The following BRD10 variants were observed in gnomAD, a reference collection of about 807,000 sequenced individuals.
BRD10 encodes bromodomain containing 10.
chr9:5,985,668 C>T, the BRD10 span, among the ~76,000 whole-genome samples: 2 of 151,906 alleles, frequency 1.3e-5, no homozygotes, highest in Non-Finnish European at 2.9e-5. Context: ...GCCTGTGATC[C>T]CAGCTACTCA....
chr9:5,950,290 T>C, the BRD10 span, among the ~76,000 whole-genome samples: 83 of 152,326 alleles, frequency 5.4e-4, no homozygotes, highest in Middle Eastern at 3.4e-3. Context: ...CATAATTCAG[T>C]GTTTTTCACC....
the BRD10 span, among the ~76,000 whole-genome samples, chr9:5,904,232 T>C: frequency 2.0e-5 from 3 of 152,228 alleles, no homozygotes; most frequent in African/African-American, 7.2e-5. Context: ...GAACACATAG[T>C]TGGGTCTTGT....
At chr9:5,897,477 G>A in the BRD10 span, 1 of 1,320,488 alleles carries the variant, frequency 7.6e-7, no homozygotes, top group Middle Eastern at 1.8e-4. Context: ...TCCATATGAA[G>A]AGGAAGACTG....
At chr9:5,946,983 A>C in the BRD10 span, among the ~76,000 whole-genome samples, 4 of 152,070 alleles carry the variant, frequency 2.6e-5, no homozygotes, top group Non-Finnish European at 5.9e-5. Flanking sequence ...GGAACAATGA[A>C]GACATATACC....
the BRD10 span, among the ~76,000 whole-genome samples, chr9:5,890,493 A>G: frequency 6.6e-6 from 1 of 152,192 alleles, no homozygotes; most frequent in Non-Finnish European, 1.5e-5. Flanking sequence ...GTGGGTTTCC[A>G]TCTATGTGAA....
chr9:5,981,751 T>G, the BRD10 span, among the ~76,000 whole-genome samples: 4 of 152,200 alleles, frequency 2.6e-5, no homozygotes, highest in African/African-American at 4.8e-5. Flanking sequence ...AACGTCCATC[T>G]CTTCTGGAAA....
chr9:5,947,866 A>G, the BRD10 span, among the ~76,000 whole-genome samples: 1 of 152,192 alleles, frequency 6.6e-6, no homozygotes, highest in Non-Finnish European at 1.5e-5. Context: ...TAAAAAAGCA[A>G]AACACCTTAT....
chr9:5,878,988 T>C, the BRD10 span, among the ~76,000 whole-genome samples: 1 of 152,344 alleles, frequency 6.6e-6, no homozygotes, highest in African/African-American at 2.4e-5. Flanking sequence ...CTCCTGCCTC[T>C]CCTGAGGGTT....
At chr9:5,920,324 A>C in the BRD10 span, 1 of 1,614,014 alleles carries the variant, frequency 6.2e-7, no homozygotes. Context: ...TCCGTTAATC[A>C]TAATCTGAGT....
At chr9:5,932,558 T>A in the BRD10 span, among the ~76,000 whole-genome samples, 1 of 152,176 alleles carries the variant, frequency 6.6e-6, no homozygotes, top group South Asian at 2.1e-4. Flanking sequence ...AATACAGAGA[T>A]GATTTAAAGT....
At chr9:5,948,644 T>C in the BRD10 span, among the ~76,000 whole-genome samples, 270 of 152,040 alleles carry the variant, frequency 1.8e-3, no homozygotes, top group Non-Finnish European at 3.1e-3. Flanking sequence ...AAAAAGGACA[T>C]AAGGTAACAT....
At chr9:5,944,313 T>C in the BRD10 span, among the ~76,000 whole-genome samples, 2 of 151,874 alleles carry the variant, frequency 1.3e-5, no homozygotes, top group African/African-American at 4.8e-5. Flanking sequence ...TAAACTCTAG[T>C]CTCTCAAGAA....
At chr9:6,008,102 TC>T in the BRD10 span, 15 of 981,280 alleles carry the variant, frequency 1.5e-5, no homozygotes, top group Non-Finnish European at 1.7e-5. Flanking sequence ...GCCCGCCTGC[TC>T]TTCACCGGCC....
At chr9:5,901,634 C>A in the BRD10 span, among the ~76,000 whole-genome samples, 34 of 152,174 alleles carry the variant, frequency 2.2e-4, 3 homozygotes, top group East Asian at 6.6e-3. Flanking sequence ...TCCTCCCACC[C>A]CAGCCTTCCA....
At chr9:5,942,172 T>C in the BRD10 span, among the ~76,000 whole-genome samples, 1 of 152,110 alleles carries the variant, frequency 6.6e-6, no homozygotes, top group Non-Finnish European at 1.5e-5. Context: ...ATACTTCATT[T>C]GTCTGACAAT....
the BRD10 span, among the ~76,000 whole-genome samples, chr9:5,988,832 G>C: frequency 6.6e-6 from 1 of 151,834 alleles, no homozygotes; most frequent in African/African-American, 2.4e-5. Context: ...AAAGTTTATT[G>C]TTTGCAATGT....
the BRD10 span, among the ~76,000 whole-genome samples, chr9:5,988,163 C>G: frequency 6.6e-6 from 1 of 152,042 alleles, no homozygotes; most frequent in Non-Finnish European, 1.5e-5. Context: ...TGTATAGCTT[C>G]AAGATAAGTG....
At chr9:5,955,133 C>A in the BRD10 span, among the ~76,000 whole-genome samples, 1 of 151,574 alleles carries the variant, frequency 6.6e-6, no homozygotes, top group East Asian at 1.9e-4. Context: ...TAGTTAGAAA[C>A]ACATTAAAAG....
the BRD10 span, chr9:5,919,720 C>T: frequency 1.7e-5 from 28 of 1,611,830 alleles, no homozygotes; most frequent in East Asian, 4.5e-5. Flanking sequence ...CTAAGCCCGA[C>T]GACTGAAAAG....
Sources: gnomAD v4.1 joint callset for allele counts (sites outside exome capture counted in the v4.1 genomes callset) on GRCh38, gnomAD v4.1.1 for gene constraint, MANE v1.5 for transcripts, NCBI Gene and HGNC (gene_info 2026-07-23, HGNC 2026-07-21) for gene names.